Variants in TMEM117 observed in about 807,000 individuals in gnomAD.
The protein encoded by TMEM117 is transmembrane protein 117.
A neutral mutation model predicts 52.4 loss-of-function variants in TMEM117; 27 were observed. That is an observed-to-expected ratio of 0.51 (90% confidence interval 0.38 to 0.71). The LOEUF is 0.71. TMEM117 is among the 30% of genes least tolerant of loss of function. TMEM117 has a pLI of 0.00. For missense variants in TMEM117, 556 were observed against 630.5 expected, an observed-to-expected ratio of 0.88 and a Z score of 1.26; for synonymous variants, 215 against 206.3, an observed-to-expected ratio of 1.04 and a Z score of -0.36.
chr12:44,208,619 C>A (rs796255663), intron 4 of TMEM117, among the ~76,000 whole-genome samples: 14 of 151,802 alleles, frequency 9.2e-5, no homozygotes, highest in African/African-American at 3.4e-4. Flanking sequence ...TCTGCTTCTG[C>A]CAATTTAGCT....
chr12:44,148,866 T>C (rs1948682654), intron 4 of TMEM117, among the ~76,000 whole-genome samples: 2 of 152,162 alleles, frequency 1.3e-5, no homozygotes, highest in Non-Finnish European at 2.9e-5. Flanking sequence ...TGGTTCAGTT[T>C]TGTGACTTAT....
At chr12:44,151,502 C>A (rs146726031) in intron 4 of TMEM117, among the ~76,000 whole-genome samples, 116 of 144,770 alleles carry the variant, frequency 8.0e-4, no homozygotes, top group South Asian at 2.5e-3. Context: ...AATGCTATCC[C>A]TCCGCCCTCC....
At chr12:44,035,030 C>T (rs1047061791) in intron 3 of TMEM117, among the ~76,000 whole-genome samples, 4 of 152,220 alleles carry the variant, frequency 2.6e-5, no homozygotes, top group East Asian at 3.8e-4. Context: ...CTGGAATTTC[C>T]ACTATCAGCT....
intron 4 of TMEM117, among the ~76,000 whole-genome samples, chr12:44,191,935 A>G (rs868157349): frequency 6.6e-6 from 1 of 152,216 alleles, no homozygotes; most frequent in African/African-American, 2.4e-5. Context: ...TAAAATATAT[A>G]GACATTTTGT....
chr12:43,880,037 A>T (rs912808029), intron 2 of TMEM117, among the ~76,000 whole-genome samples: 2 of 152,312 alleles, frequency 1.3e-5, no homozygotes, highest in African/African-American at 2.4e-5. Flanking sequence ...AAGTCATTGG[A>T]GTGTCTCTAA....
intron 6 of TMEM117, among the ~76,000 whole-genome samples, chr12:44,331,429 A>G (rs1047301330): frequency 1.3e-5 from 2 of 151,968 alleles, no homozygotes; most frequent in Admixed American, 6.6e-5. Flanking sequence ...TCAGGGCCCA[A>G]CTGTCACTGA....
intron 2 of TMEM117, among the ~76,000 whole-genome samples, chr12:43,852,904 TGTCA>T (rs1257628676): frequency 6.6e-6 from 1 of 152,240 alleles, no homozygotes; most frequent in Non-Finnish European, 1.5e-5. Flanking sequence ...CATAAGGAGC[TGTCA>T]GTCTCTCAAC....
chr12:44,107,082 G>A (rs1027519490), intron 3 of TMEM117, among the ~76,000 whole-genome samples: 1 of 152,006 alleles, frequency 6.6e-6, no homozygotes, highest in Non-Finnish European at 1.5e-5. Context: ...AATTTATTGA[G>A]TACTTAGTAG....
chr12:44,010,339 T>G, intron 3 of TMEM117: 1 of 433,522 alleles, frequency 2.3e-6, no homozygotes, highest in South Asian at 1.6e-5. Flanking sequence ...CATGTCTCCC[T>G]GCTGCTCTGG....
intron 3 of TMEM117, among the ~76,000 whole-genome samples, chr12:43,990,326 A>G (rs1255026418): frequency 1.3e-5 from 2 of 152,110 alleles, no homozygotes; most frequent in Non-Finnish European, 1.5e-5. Context: ...TAGACTTTAC[A>G]CTATTTTATT....
intron 4 of TMEM117, among the ~76,000 whole-genome samples, chr12:44,187,162 G>C (rs978072155): frequency 6.6e-6 from 1 of 151,994 alleles, no homozygotes; most frequent in East Asian, 1.9e-4. Flanking sequence ...ATATATATGT[G>C]CTTTTTCATT....
chr12:44,011,752 A>G (rs1285282135), intron 3 of TMEM117, among the ~76,000 whole-genome samples: 1 of 152,206 alleles, frequency 6.6e-6, no homozygotes, highest in South Asian at 2.1e-4. Flanking sequence ...AATAATTACA[A>G]CAATATACTG....
intron 3 of TMEM117, among the ~76,000 whole-genome samples, chr12:44,125,997 G>T (rs1024370774): frequency 9.9e-5 from 15 of 152,124 alleles, no homozygotes; most frequent in Non-Finnish European, 2.2e-4. Flanking sequence ...GGAGAAGGTT[G>T]TTCAGTTTCC....
intron 3 of TMEM117, among the ~76,000 whole-genome samples, chr12:44,039,271 A>G (rs959102587): frequency 2.2e-4 from 33 of 151,980 alleles, no homozygotes; most frequent in Non-Finnish European, 4.4e-5. Context: ...TATCAATTTT[A>G]CAAATCTGTG....
chr12:44,043,027 A>T (rs1260337903), intron 3 of TMEM117, among the ~76,000 whole-genome samples: 3 of 152,158 alleles, frequency 2.0e-5, no homozygotes, highest in Admixed American at 6.5e-5. Context: ...TTAGAGAGTT[A>T]TGCAAAATAA....
intron 7 of TMEM117, among the ~76,000 whole-genome samples, chr12:44,382,530 G>T (rs546285149): frequency 2.0e-5 from 3 of 152,330 alleles, no homozygotes; most frequent in Admixed American, 2.0e-4. Flanking sequence ...TCAAAAACTA[G>T]TTGGTATCTG....
intron 3 of TMEM117, among the ~76,000 whole-genome samples, chr12:44,100,514 G>C (rs1166713700): frequency 6.6e-6 from 1 of 151,960 alleles, no homozygotes; most frequent in East Asian, 1.9e-4. Flanking sequence ...TTTAGCTAAA[G>C]CTTACTCATT....
intron 6 of TMEM117, among the ~76,000 whole-genome samples, chr12:44,371,352 T>C (rs1430968851): frequency 6.6e-6 from 1 of 152,236 alleles, no homozygotes; most frequent in East Asian, 1.9e-4. Flanking sequence ...TCAAGCTTAA[T>C]AATCTAATGC....
chr12:44,071,771 A>AT (rs1947306073), intron 3 of TMEM117, among the ~76,000 whole-genome samples: 1 of 152,210 alleles, frequency 6.6e-6, no homozygotes, highest in Non-Finnish European at 1.5e-5. Flanking sequence ...CATGTATCCT[A>AT]TAAATGGCAT....
Sources: allele counts gnomAD v4.1 joint callset (sites outside exome capture counted in the v4.1 genomes callset), GRCh38; gene constraint gnomAD v4.1.1; transcripts MANE v1.5; gene names NCBI Gene and HGNC (gene_info 2026-07-23, HGNC 2026-07-21).